Variants in SRP72 observed in about 807,000 individuals in gnomAD.
The protein encoded by SRP72 is signal recognition particle subunit SRP72.
Under a neutral mutation model 96.3 loss-of-function variants are expected in SRP72, and 49 were observed. The observed-to-expected ratio is 0.51, with a 90% confidence interval of 0.40 to 0.65. SRP72 has a LOEUF of 0.65. SRP72 is among the 30% of genes least tolerant of loss of function. The pLI, the probability that SRP72 is intolerant of heterozygous loss-of-function variation, is 0.00. For missense variants in SRP72, 736 were observed against 793.3 expected, an observed-to-expected ratio of 0.93 and a Z score of 0.87; for synonymous variants, 267 against 275.2, an observed-to-expected ratio of 0.97 and a Z score of 0.30.
chr4:56,495,369 GA>G lies in SRP72; in HGVS notation c.1658del (p.Lys553ArgfsTer67). On this transcript the variant is annotated frameshift_variant, in exon 17 of 19. Coordinates refer to ENST00000642900, the MANE Select transcript of SRP72 (RefSeq NM_006947.4). LOFTEE classifies it high-confidence loss of function. ...TTTCTCTTTGTAGACAGGGAGATTT[GA>G]AAAAGAAGAAAAAGAAAAAGAAGGG... ...QPKEQGQGDL[K>X]KKKKKKKGKL... The G allele has an allele frequency of 6.8e-7, 1 of 1,480,740 alleles. No individual in the cohort carries two copies. The allele number at this position is 1,480,740 out of a possible 1,614,324, so 91.7% of individuals were successfully genotyped here.
intron 9 of SRP72, among the ~76,000 whole-genome samples, chr4:56,484,051 T>TTTTTTTTTTTTTTTTC (rs1560682047): frequency 7.0e-6 from 1 of 142,716 alleles, no homozygotes; most frequent in African/African-American, 2.6e-5. Context: ...TTTTTTTTTT[T>TTTTTTTTTTTTTTTTC]GAGATGGAGT....
At chr4:56,471,990 C>A in intron 3 of SRP72, 147 bp downstream of exon 3, 1 of 889,978 alleles carries the variant, frequency 1.1e-6, no homozygotes, top group Non-Finnish European at 1.7e-6. Flanking sequence ...GAACATAATT[C>A]CTCTTCTTGA....
At chr4:56,494,989 T>C (rs1285050274) in intron 16 of SRP72, among the ~76,000 whole-genome samples, 1 of 152,108 alleles carries the variant, frequency 6.6e-6, no homozygotes, top group Non-Finnish European at 1.5e-5. Context: ...TGGCAAAAAA[T>C]TTATTCTCTA....
intron 5 of SRP72, 29 bp from the exon 6 acceptor site, chr4:56,476,642 C>G: frequency 6.2e-7 from 1 of 1,610,582 alleles, no homozygotes; most frequent in Non-Finnish European, 8.5e-7. Flanking sequence ...CCCAGCAATA[C>G]TACTTTTAAA....
At chr4:56,471,964 C>A in intron 3 of SRP72, 121 bp downstream of exon 3, 1 of 1,188,932 alleles carries the variant, frequency 8.4e-7, no homozygotes, top group Non-Finnish European at 1.2e-6. Context: ...GACCACCAAA[C>A]CAGTCCTTAA....
In SRP72 at chr4:56,502,483, G is replaced by GTATA. The variant is rs1367270423; in HGVS notation, c.*631_*634dup. On this transcript the variant is annotated 3_prime_UTR_variant, in exon 19 of 19. Transcript: ENST00000642900. Reference sequence around the variant, plus strand: ...TTCATGTTTATATATATATATATATGTATATATATATACATATATATATAT... The same window carrying GTATA: ...TTCATGTTTATATATATATATATATGTATATATATATATATACATATATATATAT... The GTATA allele has an allele frequency of 4.4e-5, 4 of 91,098 alleles. No homozygotes were observed. Among genetic ancestry groups the GTATA allele is most frequent in the Non-Finnish European group, 8.0e-5 (4 of 50,150 alleles). The allele number at this position is 91,098 out of a possible 1,614,324, so 5.6% of individuals were successfully genotyped here.
At chr4:56,488,511 G>C (rs1481053114) in intron 12 of SRP72, among the ~76,000 whole-genome samples, 1 of 152,136 alleles carries the variant, frequency 6.6e-6, no homozygotes, top group Admixed American at 6.5e-5. Context: ...CATGGCCTCT[G>C]TGCAGTTGGC....
In SRP72 at chr4:56,474,272, C is replaced by G. The variant is rs1429724225; in HGVS notation, c.499-8C>G. Reference sequence around the variant, plus strand: ...TTAGTATTTAACTGGTATTTTGTCCCCTGACAGGAGAACCTGGGCCTCCAA... The same window carrying G: ...TTAGTATTTAACTGGTATTTTGTCCGCTGACAGGAGAACCTGGGCCTCCAA... On this transcript the variant is annotated splice_polypyrimidine_tract_variant and splice_region_variant and intron_variant, in intron 4 of 18. Coordinates refer to ENST00000642900, the MANE Select transcript of SRP72 (RefSeq NM_006947.4). 7.4e-6 allele frequency: 12 copies of G among 1,613,594 alleles called. No homozygotes were observed. The highest frequency in any genetic ancestry group is 7.6e-6 in the Non-Finnish European group (9 of 1,179,848).
At chr4:56,478,337 A>G in intron 6 of SRP72, 42 bp from the exon 7 acceptor site, 2 of 1,529,466 alleles carry the variant, frequency 1.3e-6, no homozygotes, top group Non-Finnish European at 1.8e-6. Context: ...TATGTAGATC[A>G]GTTTGGAAAA....
chr4:56,485,022 C>T (rs570882177), intron 10 of SRP72, among the ~76,000 whole-genome samples, 158 bp downstream of exon 10: 1 of 152,236 alleles, frequency 6.6e-6, no homozygotes, highest in African/African-American at 2.4e-5. Context: ...TCTTGGGTTA[C>T]AGAGCTTTAT....
At chr4:56,486,961 C>T (rs1254155371) in intron 11 of SRP72, among the ~76,000 whole-genome samples, 1 of 152,120 alleles carries the variant, frequency 6.6e-6, no homozygotes, top group Non-Finnish European at 1.5e-5. Context: ...AGTCACTAGC[C>T]ACATACAGCT....
chr4:56,482,287 A>C (rs1720528760), intron 8 of SRP72, among the ~76,000 whole-genome samples: 1 of 139,680 alleles, frequency 7.2e-6, no homozygotes, highest in East Asian at 3.1e-4. Context: ...TAAAAATACA[A>C]AAAAAAAAAA....
chr4:56,483,820 T>C (rs1720596908), intron 9 of SRP72, among the ~76,000 whole-genome samples: 1 of 152,152 alleles, frequency 6.6e-6, no homozygotes, highest in Admixed American at 6.5e-5. Flanking sequence ...ACTTTCTCAT[T>C]ACCTTATTTC....
chr4:56,487,940 TCTC>T lies in SRP72; in HGVS notation c.1160-6_1160-4del, dbSNP rs1201818123. On this transcript the variant is annotated splice_region_variant and splice_polypyrimidine_tract_variant and intron_variant, in intron 11 of 18. Coordinates refer to ENST00000642900, the MANE Select transcript of SRP72 (RefSeq NM_006947.4). ...TCTATGTAATGCTGATTTTGTTTAT[TCTC>T]CTAAGGTAATATTTCTAAAGCATGT... is the stretch of plus-strand genomic sequence containing the variant. 6.3e-7 allele frequency: 1 copy of T among 1,582,952 alleles called. No individual in the cohort carries two copies. The highest frequency in any genetic ancestry group is 8.6e-7 in the Non-Finnish European group (1 of 1,167,118).
intron 16 of SRP72, among the ~76,000 whole-genome samples, chr4:56,492,977 C>T (rs897805034): frequency 1.3e-5 from 2 of 152,042 alleles, no homozygotes; most frequent in African/African-American, 4.8e-5. Flanking sequence ...AGAGCAAGAC[C>T]CCCATCTCTA....
Position 56,502,613 on chromosome 4 carries a change from A to G in SRP72, c.*752A>G, listed in dbSNP as rs1465491583. On this transcript the variant is annotated 3_prime_UTR_variant, in exon 19 of 19. Transcript: ENST00000642900. ...CCATGAAAGAACTCAAGGAAAATAT[A>G]TCAATGTAAGAAGTTCACTCTTAGA... 2 of 151,598 alleles carry G rather than the reference A, an allele frequency of 1.3e-5. No individual in the cohort carries two copies. The highest frequency in any genetic ancestry group is 2.4e-5 in the African/African-American group (1 of 41,312). 9.4% of individuals were successfully genotyped at this position (151,598 alleles called of 1,614,324 possible).
At chr4:56,472,606 C>CA (rs1468105327) in intron 3 of SRP72, among the ~76,000 whole-genome samples, 8 of 152,204 alleles carry the variant, frequency 5.3e-5, no homozygotes, top group Admixed American at 1.3e-4. Flanking sequence ...CTTGACCTCC[C>CA]AAAGTACTGG....
At chr4:56,472,788 A>C (rs1246049083) in intron 3 of SRP72, among the ~76,000 whole-genome samples, 1 of 152,342 alleles carries the variant, frequency 6.6e-6, no homozygotes, top group African/African-American at 2.4e-5. Context: ...GGTCTATAAA[A>C]AACTTTTAAG....
At chr4:56,484,321 A>G (rs1234291881) in intron 9 of SRP72, among the ~76,000 whole-genome samples, 1 of 152,070 alleles carries the variant, frequency 6.6e-6, no homozygotes, top group Admixed American at 6.6e-5. Flanking sequence ...GGCATGAGCC[A>G]CCACGCCCGG....
Sources: allele counts gnomAD v4.1 joint callset (sites outside exome capture counted in the v4.1 genomes callset), GRCh38; gene constraint gnomAD v4.1.1; transcripts MANE v1.5; gene names NCBI Gene and HGNC (gene_info 2026-07-23, HGNC 2026-07-21).